CACNA2D1: variants seen among roughly 807,000 people sequenced by gnomAD.
CACNA2D1 encodes voltage-dependent calcium channel subunit alpha-2/delta-1.
Under a neutral mutation model 171.5 loss-of-function variants are expected in CACNA2D1, and 53 were observed. That is an observed-to-expected ratio of 0.31 (90% CI 0.25 to 0.39). The LOEUF (loss-of-function observed/expected upper bound fraction) is 0.39. Ranked by LOEUF, CACNA2D1 falls within the 10% of genes least tolerant of loss-of-function variation. The pLI is 1.00. For synonymous variants in CACNA2D1, 442 were observed against 443.1 expected, an observed-to-expected ratio of 1.00 and a Z score of 0.03; for missense variants, 903 against 1,299.8, an observed-to-expected ratio of 0.69 and a Z score of 4.69.
At chr7:82,327,680 C>G (rs566707685) in intron 3 of CACNA2D1, among the ~76,000 whole-genome samples, 1 of 152,256 alleles carries the variant, frequency 6.6e-6, no homozygotes, top group South Asian at 2.1e-4. Flanking sequence ...AGTTTTTCCT[C>G]CTGATTTCAT....
At chr7:82,115,703 C>T (rs1219355794) in intron 6 of CACNA2D1, among the ~76,000 whole-genome samples, 1 of 150,794 alleles carries the variant, frequency 6.6e-6, no homozygotes, top group Non-Finnish European at 1.5e-5. Context: ...ATCATATATG[C>T]ATTAAAAATT....
At chr7:82,388,216 C>T (rs1824649884) in intron 1 of CACNA2D1, among the ~76,000 whole-genome samples, 2 of 152,160 alleles carry the variant, frequency 1.3e-5, no homozygotes, top group South Asian at 4.1e-4. Flanking sequence ...TACAAATTCA[C>T]TTGAATGCTA....
chr7:82,376,167 A>G (rs1822995679), intron 1 of CACNA2D1, among the ~76,000 whole-genome samples: 1 of 150,042 alleles, frequency 6.7e-6, no homozygotes, highest in African/African-American at 2.5e-5. Context: ...AAATCCTTTA[A>G]AAACAAATTT....
intron 1 of CACNA2D1, among the ~76,000 whole-genome samples, chr7:82,398,696 G>C (rs1428900986): frequency 6.6e-6 from 1 of 151,296 alleles, no homozygotes; most frequent in Non-Finnish European, 1.5e-5. Flanking sequence ...TCCCACTTCA[G>C]CCTCCCGAGT....
intron 38 of CACNA2D1, among the ~76,000 whole-genome samples, chr7:81,954,121 A>C (rs1161887592): frequency 1.3e-5 from 2 of 152,100 alleles, no homozygotes; most frequent in Non-Finnish European, 2.9e-5. Flanking sequence ...TACATTCTAC[A>C]CAAATGCACT....
intron 7 of CACNA2D1, among the ~76,000 whole-genome samples, chr7:82,077,765 A>C (rs1188318583): frequency 2.6e-5 from 4 of 151,880 alleles, no homozygotes; most frequent in African/African-American, 9.7e-5. Context: ...AAAGTAAAAA[A>C]AAAAAAAAAA....
chr7:82,038,069 A>G lies in CACNA2D1; in HGVS notation c.1038+8T>C, dbSNP rs1248422043. 6.2e-7 allele frequency: 1 copy of G among 1,612,478 alleles called. No homozygotes were observed. Among genetic ancestry groups the G allele is most frequent in the Middle Eastern group, 1.7e-4 (1 of 6,056 alleles). ...CAACAACAACAAAAGACATAGCATG[A>G]TACTTACATTAAGCAGCTGTTCAAA... is the stretch of plus-strand genomic sequence containing the variant. On this transcript the variant is annotated splice_region_variant and intron_variant, in intron 11 of 38. Coordinates refer to ENST00000356860, the MANE Select transcript of CACNA2D1 (RefSeq NM_000722.4).
chr7:82,082,222 C>T (rs571875323), intron 7 of CACNA2D1, among the ~76,000 whole-genome samples: 115 of 152,228 alleles, frequency 7.6e-4, no homozygotes, highest in South Asian at 6.0e-3. Flanking sequence ...GGGCAGAGGA[C>T]CATAGTGTTA....
chr7:82,029,099 T>C (rs1477259517), intron 12 of CACNA2D1: 1 of 151,690 alleles, frequency 6.6e-6, no homozygotes, highest in African/African-American at 2.4e-5. Context: ...TGTTGTCCTA[T>C]TTTAAGAAAT....
intron 10 of CACNA2D1, among the ~76,000 whole-genome samples, chr7:82,044,065 A>C (rs1804260710): frequency 2.0e-5 from 3 of 152,212 alleles, no homozygotes; most frequent in Admixed American, 2.0e-4. Flanking sequence ...TTAGTTTTAA[A>C]AATGAGAAAG....
At chr7:82,187,902 G>A (rs755063389) in intron 3 of CACNA2D1, among the ~76,000 whole-genome samples, 1 of 152,120 alleles carries the variant, frequency 6.6e-6, no homozygotes, top group Non-Finnish European at 1.5e-5. Flanking sequence ...TGGTTCATAG[G>A]CATACATATG....
chr7:82,039,917 T>G (rs1281224561), intron 10 of CACNA2D1, among the ~76,000 whole-genome samples: 3 of 151,904 alleles, frequency 2.0e-5, no homozygotes, highest in African/African-American at 7.3e-5. Flanking sequence ...TCATGTGGAG[T>G]CTAATGGAAA....
intron 2 of CACNA2D1, among the ~76,000 whole-genome samples, chr7:82,349,100 T>G (rs1433531091): frequency 3.9e-5 from 6 of 152,176 alleles, no homozygotes; most frequent in Non-Finnish European, 8.8e-5. Context: ...TCTCAGTGAC[T>G]ATCTCTAATC....
At chr7:82,138,805 T>A (rs558359847) in intron 4 of CACNA2D1, among the ~76,000 whole-genome samples, 1 of 152,244 alleles carries the variant, frequency 6.6e-6, no homozygotes, top group Admixed American at 6.5e-5. Flanking sequence ...AAGACAATCT[T>A]CTGAATCCAC....
At chr7:82,251,599 G>A (rs147453263) in intron 3 of CACNA2D1, among the ~76,000 whole-genome samples, 87 of 152,238 alleles carry the variant, frequency 5.7e-4, no homozygotes, top group African/African-American at 2.0e-3. Context: ...GACAATATGG[G>A]TGTGAAAGGA....
intron 2 of CACNA2D1, among the ~76,000 whole-genome samples, chr7:82,347,616 C>T (rs1005801104): frequency 3.9e-5 from 6 of 152,080 alleles, no homozygotes; most frequent in South Asian, 2.1e-4. Flanking sequence ...TGAGGCAATA[C>T]GGAATCATCT....
chr7:82,426,144 TA>T (rs1396974738), intron 1 of CACNA2D1, among the ~76,000 whole-genome samples: 2 of 64,340 alleles, frequency 3.1e-5, no homozygotes, highest in Non-Finnish European at 6.3e-5. Context: ...AATATATAAA[TA>T]AATAAATAAA....
At chr7:82,399,083 T>G (rs1826058696) in intron 1 of CACNA2D1, among the ~76,000 whole-genome samples, 1 of 152,160 alleles carries the variant, frequency 6.6e-6, no homozygotes, top group Admixed American at 6.5e-5. Flanking sequence ...TGGTTTGTGA[T>G]TAGTATGAGA....
At chr7:82,300,216 GA>G (rs1476546785) in intron 3 of CACNA2D1, among the ~76,000 whole-genome samples, 1 of 151,818 alleles carries the variant, frequency 6.6e-6, no homozygotes, top group African/African-American at 2.4e-5. Flanking sequence ...TAAGTAAAGG[GA>G]ACAGAATGTG....
Sources: allele counts gnomAD v4.1 joint callset (sites outside exome capture counted in the v4.1 genomes callset), GRCh38; gene constraint gnomAD v4.1.1; transcripts MANE v1.5; gene names NCBI Gene and HGNC (gene_info 2026-07-23, HGNC 2026-07-21).